The following RBFOX1 variants were observed in gnomAD, a reference collection of about 807,000 sequenced individuals.
RBFOX1 encodes RNA binding fox-1 homolog 1.
RBFOX1 carries 8 observed loss-of-function variants against 57.7 expected under a neutral mutation model. The observed-to-expected ratio is 0.14, with a 90% CI of 0.08 to 0.25. The LOEUF is 0.25. Among genes scored for constraint, RBFOX1 ranks in the 10% least tolerant of loss-of-function variants. The pLI, the probability that RBFOX1 is intolerant of heterozygous loss-of-function variation, is 1.00. For missense variants in RBFOX1, 611 were observed against 548.5 expected (o/e 1.11, Z -1.14); for synonymous variants, 326 against 222.4 (o/e 1.47, Z -4.15).
chr16:7,184,005 T>G (rs112130135), intron 4 of RBFOX1, among the ~76,000 whole-genome samples: 1 of 152,046 alleles, frequency 6.6e-6, no homozygotes, highest in Non-Finnish European at 1.5e-5. Context: ...TGAACTGAAA[T>G]GATGAGGGGC....
At chr16:6,495,255 A>G (rs1015949794) in intron 2 of RBFOX1, among the ~76,000 whole-genome samples, 2 of 152,044 alleles carry the variant, frequency 1.3e-5, no homozygotes, top group Non-Finnish European at 2.9e-5. Flanking sequence ...AATTGCTGGG[A>G]TTATAGGTGC....
intron 4 of RBFOX1, among the ~76,000 whole-genome samples, chr16:7,132,798 G>A (rs1424374447): frequency 6.6e-6 from 1 of 152,004 alleles, no homozygotes; most frequent in Non-Finnish European, 1.5e-5. Flanking sequence ...TAGAAACAGT[G>A]GGCTTATCAA....
chr16:5,311,345 A>T (rs1057334665), intron 1 of RBFOX1, among the ~76,000 whole-genome samples: 7 of 152,248 alleles, frequency 4.6e-5, no homozygotes, highest in Non-Finnish European at 7.4e-5. Flanking sequence ...GCAATTGTGA[A>T]CTGTGCTGCA....
At chr16:6,782,962 T>G (rs546961432) in intron 3 of RBFOX1, among the ~76,000 whole-genome samples, 2 of 152,256 alleles carry the variant, frequency 1.3e-5, no homozygotes, top group South Asian at 4.1e-4. Flanking sequence ...GTTGCTGAGT[T>G]GACTTCTTTA....
At chr16:5,287,677 G>C (rs2063430777) in intron 1 of RBFOX1, among the ~76,000 whole-genome samples, 1 of 152,198 alleles carries the variant, frequency 6.6e-6, no homozygotes, top group African/African-American at 2.4e-5. Flanking sequence ...GGAAGCTGCA[G>C]GCTGGCCTGG....
chr16:6,382,600 C>T (rs1303583622), intron 2 of RBFOX1, among the ~76,000 whole-genome samples: 2 of 152,176 alleles, frequency 1.3e-5, no homozygotes, highest in Non-Finnish European at 2.9e-5. Context: ...TGGCTCATGC[C>T]TGTAATCCCA....
intron 3 of RBFOX1, among the ~76,000 whole-genome samples, chr16:6,974,285 A>G (rs2086264064): frequency 7.0e-6 from 1 of 143,560 alleles, no homozygotes; most frequent in Non-Finnish European, 1.5e-5. Context: ...GTGTCATTTT[A>G]GTAAATAACA....
At chr16:5,918,841 A>G (rs1279020652) in intron 4 of RBFOX1, among the ~76,000 whole-genome samples, 1 of 152,224 alleles carries the variant, frequency 6.6e-6, no homozygotes, top group Non-Finnish European at 1.5e-5. Context: ...CAGAGTAAGA[A>G]GCAACACTTG....
Position 7,294,581 on chromosome 16 carries a change from C to A in RBFOX1, c.28-223566C>A, listed in dbSNP as rs146419348. 1.3e-3 allele frequency among the ~76,000 whole-genome samples: 200 copies of A among 150,770 alleles called. 1 individual carries two copies. The highest frequency in any genetic ancestry group is 4.5e-3 in the African/African-American group (184 of 41,092). ...TTTCTTTTGAAAAGCTTAGGGCAAG[C>A]TGTGGATAGGGTGGGACTTACTCCT... On this transcript the variant is annotated intron_variant, in intron 4 of 15. Transcript: ENST00000550418.
chr16:5,666,947 A>G (rs1333905331), intron 3 of RBFOX1, among the ~76,000 whole-genome samples: 3 of 152,196 alleles, frequency 2.0e-5, no homozygotes. Flanking sequence ...ATCTGCTACC[A>G]GACACATGAA....
At chr16:6,846,383 G>T (rs1468999151) in intron 3 of RBFOX1, among the ~76,000 whole-genome samples, 4 of 152,186 alleles carry the variant, frequency 2.6e-5, no homozygotes, top group African/African-American at 9.6e-5. Context: ...AAGCTGTATT[G>T]CTGAAAAGCA....
chr16:5,483,694 C>G (rs1235580764), intron 2 of RBFOX1, among the ~76,000 whole-genome samples: 1 of 152,182 alleles, frequency 6.6e-6, no homozygotes, highest in African/African-American at 2.4e-5. Flanking sequence ...AAGCAAAGCA[C>G]TGTTGGGTGA....
chr16:5,569,116 C>T (rs1042410225), intron 2 of RBFOX1, among the ~76,000 whole-genome samples: 1 of 151,698 alleles, frequency 6.6e-6, no homozygotes, highest in Non-Finnish European at 1.5e-5. Context: ...TCCCAAAGTG[C>T]TGGGATTACA....
At chr16:5,592,718 C>T (rs909568205) in intron 2 of RBFOX1, among the ~76,000 whole-genome samples, 2 of 152,188 alleles carry the variant, frequency 1.3e-5, no homozygotes, top group Non-Finnish European at 2.9e-5. Context: ...AAGGAAGTCT[C>T]TGAGGTGTGG....
At chr16:6,374,183 AT>A (rs1222432895) in intron 2 of RBFOX1, among the ~76,000 whole-genome samples, 2 of 152,222 alleles carry the variant, frequency 1.3e-5, no homozygotes, top group African/African-American at 4.8e-5. Context: ...CCCCAAAATT[AT>A]TCAAGTAGTC....
chr16:6,698,419 A>G (rs1442340809), intron 3 of RBFOX1, among the ~76,000 whole-genome samples: 2 of 152,152 alleles, frequency 1.3e-5, no homozygotes, highest in African/African-American at 4.8e-5. Flanking sequence ...CTTAAGTAAG[A>G]CCATTCTTGT....
At chr16:5,458,187 T>A (rs1363769954) in intron 1 of RBFOX1, among the ~76,000 whole-genome samples, 3 of 152,228 alleles carry the variant, frequency 2.0e-5, no homozygotes, top group Non-Finnish European at 4.4e-5. Context: ...TATTACATTT[T>A]AAAAATTAAG....
intron 3 of RBFOX1, among the ~76,000 whole-genome samples, chr16:7,007,814 G>A (rs1203323335): frequency 2.0e-5 from 3 of 152,136 alleles, no homozygotes; most frequent in South Asian, 4.1e-4. Context: ...AAGCCTGCAC[G>A]CTCCTGTGCG....
chr16:7,639,112 G>T (rs190868405), intron 11 of RBFOX1, among the ~76,000 whole-genome samples: 60 of 152,250 alleles, frequency 3.9e-4, no homozygotes, highest in African/African-American at 1.3e-3. Context: ...CAGGAATTGG[G>T]TGGTTAGTTT....
Sources: allele counts gnomAD v4.1 joint callset (sites outside exome capture counted in the v4.1 genomes callset), GRCh38; gene constraint gnomAD v4.1.1; transcripts MANE v1.5; gene names NCBI Gene and HGNC (gene_info 2026-07-23, HGNC 2026-07-21).